The following CAMSAP2 variants were observed in gnomAD, a reference collection of about 807,000 sequenced individuals.
CAMSAP2 encodes calmodulin regulated spectrin associated protein family member 2.
Under a neutral mutation model 146.1 loss-of-function variants are expected in CAMSAP2, and 26 were observed. The ratio of observed to expected loss-of-function variants is 0.18; its 90% CI spans 0.13 to 0.25. The LOEUF (loss-of-function observed/expected upper bound fraction) is 0.25, where lower values mean the gene tolerates loss of function less well. CAMSAP2 is among the 10% of genes least tolerant of loss of function. The pLI, the probability that CAMSAP2 is intolerant of heterozygous loss-of-function variation, is 1.00. For synonymous variants in CAMSAP2, 499 were observed against 596.6 expected (o/e 0.84, Z 2.38); for missense variants, 1,381 against 1,759.3 (o/e 0.78, Z 3.85).
intron 2 of CAMSAP2, among the ~76,000 whole-genome samples, chr1:200,771,564 A>G (rs1003660540): frequency 2.0e-5 from 3 of 152,194 alleles, no homozygotes; most frequent in Non-Finnish European, 2.9e-5. Context: ...CTGGTCATAA[A>G]GAGATATTTT....
At chr1:200,757,607 TA>T (rs1478186455) in intron 1 of CAMSAP2, among the ~76,000 whole-genome samples, 2 of 152,180 alleles carry the variant, frequency 1.3e-5, no homozygotes, top group Non-Finnish European at 2.9e-5. Context: ...CATTTTTTTT[TA>T]ATGTGGTACA....
rs540267129 is a variant in CAMSAP2, at chr1:200,807,454, T to C, written c.478T>C (p.Cys160Arg). Reference sequence around the variant, plus strand: ...GGTCAGTATAGAAAAAGTAATTGCGTGTGCTCAGCAGTATTCAGCTTTTTT... The same window carrying C: ...GGTCAGTATAGAAAAAGTAATTGCGCGTGCTCAGCAGTATTCAGCTTTTTT... ...EMVSIEKVIA[C>R]AQQYSAFFQA... The change falls in exon 3 of 17, where the codon TGT (cysteine) becomes CGT (arginine). Residue 160 changes from cysteine to arginine, a missense_variant. Physicochemically the swap from Cys to Arg is radical, Grantham distance 180. Coordinates refer to ENST00000358823, the MANE Select transcript of CAMSAP2 (RefSeq NM_203459.4). 2 of 1,613,520 alleles carry C rather than the reference T, an allele frequency of 1.2e-6. No homozygotes were observed. Among genetic ancestry groups the C allele is most frequent in the South Asian group, 1.1e-5 (1 of 90,992 alleles).
At position 200,858,137 on chromosome 1, in the gene CAMSAP2, A is replaced by C; in HGVS notation, c.*78A>C. The C allele has an allele frequency of 1.6e-6, 2 of 1,261,520 alleles. No individual in the cohort carries two copies. Among genetic ancestry groups the C allele is most frequent in the Non-Finnish European group, 2.2e-6 (2 of 913,132 alleles). The allele number at this position is 1,261,520 out of a possible 1,614,324, so 78.1% of individuals were successfully genotyped here. ...TTCCTGCCTATAGAAAATCTTTCTAATTGCCAACAAGACTTTTATTAATTA... is the reference window on the plus strand; with the variant it reads ...TTCCTGCCTATAGAAAATCTTTCTACTTGCCAACAAGACTTTTATTAATTA... On this transcript the variant is annotated 3_prime_UTR_variant, in exon 17 of 17. Transcript: ENST00000358823.
At chr1:200,762,523 C>T (rs1414756032) in intron 2 of CAMSAP2, among the ~76,000 whole-genome samples, 1 of 152,190 alleles carries the variant, frequency 6.6e-6, no homozygotes. Flanking sequence ...TAGCTGGACA[C>T]TCCAGCTTGT....
chr1:200,853,647 A>G lies in CAMSAP2; in HGVS notation c.3823+152A>G. On this transcript the variant is annotated intron_variant, in intron 13 of 16. Coordinates refer to ENST00000358823, the MANE Select transcript of CAMSAP2 (RefSeq NM_203459.4). This position sits in a 1 kb window ranked among gnomAD's most constrained non-coding sequence, Gnocchi z 5.1. ...TTGGAAAACCAAAATGAGCAAATGA[A>G]GTTTTTAATAAATTAAATGTATTAT... 1 of 628,004 alleles carries G rather than the reference A, an allele frequency of 1.6e-6. No individual in the cohort carries two copies. The highest frequency in any genetic ancestry group is 2.8e-6 in the Non-Finnish European group (1 of 351,102). 38.9% of individuals were successfully genotyped at this position (628,004 alleles called of 1,614,324 possible).
At chr1:200,771,867 A>G (rs1165066063) in intron 2 of CAMSAP2, among the ~76,000 whole-genome samples, 1 of 152,148 alleles carries the variant, frequency 6.6e-6, no homozygotes, top group Admixed American at 6.5e-5. Flanking sequence ...TTCTGAGCTT[A>G]GTGTTTTGGC....
At chr1:200,852,966 G>T (rs1667658903) in intron 12 of CAMSAP2, among the ~76,000 whole-genome samples, 1 of 150,778 alleles carries the variant, frequency 6.6e-6, no homozygotes, top group Admixed American at 6.6e-5. Context: ...ATAATTATAT[G>T]TTTAAAAAAC....
Position 200,816,806 on chromosome 1 carries a change from GTA to G in CAMSAP2, c.645+1168_645+1169del, listed in dbSNP as rs746966343. Among the ~76,000 whole-genome samples, 67 of 72,910 alleles carry G rather than the reference GTA, an allele frequency of 9.2e-4. 15 individuals carry two copies. The highest frequency in any genetic ancestry group is 3.7e-3 in the East Asian group (7 of 1,894). 47.8% of individuals were successfully genotyped at this position (72,910 alleles called of 152,430 possible). On this transcript the variant is annotated intron_variant, in intron 4 of 16. Coordinates refer to ENST00000358823, the MANE Select transcript of CAMSAP2 (RefSeq NM_203459.4). The stretch of plus-strand genomic sequence containing the variant: ...TATATGTGTGTACACACACACGCGT[GTA>G]TATATGTGTGTACACACACACGCGT...
At position 200,752,657 on chromosome 1, in the gene CAMSAP2, G is replaced by T. The variant is rs188192522; in HGVS notation, c.140-8182G>T. On this transcript the variant is annotated intron_variant, in intron 1 of 16. Coordinates refer to ENST00000358823, the MANE Select transcript of CAMSAP2 (RefSeq NM_203459.4). ...TGCTGAGATGGAGTCTCGCTCTGTC[G>T]CCCAGGCTGGAGTGCAGTGGCGCCA... 5.7e-3 allele frequency among the ~76,000 whole-genome samples: 836 copies of T among 147,922 alleles called. 11 individuals are homozygous for T. The highest frequency in any genetic ancestry group is 0.02 in the African/African-American group (803 of 39,850).
intron 6 of CAMSAP2, among the ~76,000 whole-genome samples, chr1:200,836,968 T>A (rs2102226882): frequency 6.6e-6 from 1 of 152,304 alleles, no homozygotes; most frequent in South Asian, 2.1e-4. Flanking sequence ...TATGTTTAAG[T>A]CCCTTATAGA....
At chr1:200,771,721 A>G (rs1665122987) in intron 2 of CAMSAP2, among the ~76,000 whole-genome samples, 1 of 152,180 alleles carries the variant, frequency 6.6e-6, no homozygotes, top group Non-Finnish European at 1.5e-5. Flanking sequence ...GGAAAACTGG[A>G]AACCCAAAGG....
intron 2 of CAMSAP2, among the ~76,000 whole-genome samples, chr1:200,779,546 C>T (rs976137344): frequency 6.6e-6 from 1 of 151,948 alleles, no homozygotes; most frequent in Non-Finnish European, 1.5e-5. Context: ...TGGTTATTGA[C>T]GTCATGGAAA....
At chr1:200,806,285 G>T (rs1666167576) in intron 2 of CAMSAP2, among the ~76,000 whole-genome samples, 1 of 152,142 alleles carries the variant, frequency 6.6e-6, no homozygotes, top group South Asian at 2.1e-4. Flanking sequence ...GCTTTCCAAA[G>T]AAGAAATGCA....
intron 2 of CAMSAP2, among the ~76,000 whole-genome samples, chr1:200,774,043 T>C (rs1034560920): frequency 1.3e-5 from 2 of 152,210 alleles, no homozygotes; most frequent in African/African-American, 4.8e-5. Context: ...TATAGTGCTA[T>C]AGAACAGTGG....
intron 11 of CAMSAP2, 38 bp downstream of exon 11, chr1:200,850,272 T>TA (rs1390248363): frequency 4.0e-6 from 6 of 1,501,960 alleles, no homozygotes; most frequent in Non-Finnish European, 5.3e-6. Flanking sequence ...GCATCTTCAT[T>TA]AGATGAGTGT....
chr1:200,776,404 C>T (rs1665279909), intron 2 of CAMSAP2, among the ~76,000 whole-genome samples: 1 of 152,182 alleles, frequency 6.6e-6, no homozygotes, highest in South Asian at 2.1e-4. Flanking sequence ...GGCCTAGAAC[C>T]AAGTGTAGTC....
chr1:200,816,026 TG>T (rs1204331956), intron 4 of CAMSAP2, among the ~76,000 whole-genome samples: 2 of 152,198 alleles, frequency 1.3e-5, no homozygotes, highest in African/African-American at 4.8e-5. Context: ...CTGGGTGCGA[TG>T]GCTCACGCCT....
At chr1:200,830,709 T>C (rs1558198627) in intron 4 of CAMSAP2, among the ~76,000 whole-genome samples, 2 of 152,226 alleles carry the variant, frequency 1.3e-5, no homozygotes, top group African/African-American at 2.4e-5. Context: ...CTAAGAATTA[T>C]GTTAAAATCA....
chr1:200,753,404 T>C (rs1270376486), intron 1 of CAMSAP2, among the ~76,000 whole-genome samples: 7 of 151,884 alleles, frequency 4.6e-5, no homozygotes, highest in African/African-American at 1.7e-4. Flanking sequence ...TTTGCCTGTG[T>C]GTCTGGTACA....
Sources: allele counts gnomAD v4.1 joint callset (sites outside exome capture counted in the v4.1 genomes callset), GRCh38; gene constraint gnomAD v4.1.1; non-coding constraint Gnocchi (gnomAD v3.1); transcripts MANE v1.5; gene names NCBI Gene and HGNC (gene_info 2026-07-23, HGNC 2026-07-21).